Variants in CSGALNACT1 observed in about 807,000 individuals in gnomAD.
The protein encoded by CSGALNACT1 is chondroitin sulfate N-acetylgalactosaminyltransferase 1, also known as beta4GalNAcT-1.
Under a neutral mutation model 51.0 loss-of-function variants are expected in CSGALNACT1, and 52 were observed. The ratio of observed to expected loss-of-function variants is 1.02; its 90% CI spans 0.82 to 1.29. CSGALNACT1 has a LOEUF of 1.29. CSGALNACT1 is among the 50% of genes most tolerant of loss of function. The probability of loss-of-function intolerance (pLI) is 0.00; values close to 1 mark genes in which losing one functional copy is unlikely to be tolerated. For synonymous variants in CSGALNACT1, 341 were observed against 254.4 expected, an observed-to-expected ratio of 1.34 and a Z score of -3.24; for missense variants, 935 against 679.2, an observed-to-expected ratio of 1.38 and a Z score of -4.19.
intron 5 of CSGALNACT1, 32 bp downstream of exon 4, chr8:19,458,394 G>A (rs552313096): frequency 4.1e-5 from 63 of 1,520,678 alleles, no homozygotes; most frequent in South Asian, 1.9e-4. Context: ...CACATCATGC[G>A]GAGGAAGATA....
intron 4 of CSGALNACT1, among the ~76,000 whole-genome samples, chr8:19,485,240 T>C (rs1318506874): frequency 6.6e-6 from 1 of 152,154 alleles, no homozygotes; most frequent in Non-Finnish European, 1.5e-5. Context: ...CAACACACTC[T>C]TGTGTGTTCG....
intron 5 of CSGALNACT1, among the ~76,000 whole-genome samples, chr8:19,446,532 C>G (rs1306738027): frequency 6.6e-6 from 1 of 152,132 alleles, no homozygotes; most frequent in East Asian, 1.9e-4. Flanking sequence ...TTCACTCATT[C>G]AGTTACTGAG....
chr8:19,652,844 C>A (rs771230487), intron 1 of CSGALNACT1, among the ~76,000 whole-genome samples: 24 of 152,178 alleles, frequency 1.6e-4, no homozygotes, highest in Non-Finnish European at 3.1e-4. Context: ...ACTGACTTTC[C>A]TCCAAACTCC....
At chr8:19,466,530 T>G (rs922406627) in intron 4 of CSGALNACT1, among the ~76,000 whole-genome samples, 3 of 152,260 alleles carry the variant, frequency 2.0e-5, no homozygotes, top group Non-Finnish European at 4.4e-5. Context: ...TATACTATTT[T>G]GTTGTCTCAC....
intron 3 of CSGALNACT1, among the ~76,000 whole-genome samples, chr8:19,515,440 A>G (rs148974749): frequency 5.3e-4 from 80 of 152,326 alleles, no homozygotes; most frequent in African/African-American, 1.9e-3. Flanking sequence ...ATGACTTCAC[A>G]GTCAGGAATT....
chr8:19,696,919 C>T (rs1385218162), intron 1 of CSGALNACT1, among the ~76,000 whole-genome samples: 1 of 152,096 alleles, frequency 6.6e-6, no homozygotes, highest in Non-Finnish European at 1.5e-5. Context: ...ACAGTGCATG[C>T]CAATGAATAC....
chr8:19,742,210 T>C (rs2064359456), intron 1 of CSGALNACT1, among the ~76,000 whole-genome samples: 2 of 151,922 alleles, frequency 1.3e-5, no homozygotes, highest in East Asian at 3.9e-4. Flanking sequence ...ACAAAACAAC[T>C]GAGGCTCAAA....
intron 5 of CSGALNACT1, among the ~76,000 whole-genome samples, chr8:19,445,885 G>C (rs2062027714): frequency 1.3e-5 from 2 of 152,130 alleles, no homozygotes; most frequent in South Asian, 2.1e-4. Context: ...AGTTTAAAAA[G>C]TAAAGTAAGC....
chr8:19,420,585 T>C (rs746549417), intron 6 of CSGALNACT1, 67 bp from the exon 6 acceptor site: 87 of 1,506,268 alleles, frequency 5.8e-5, no homozygotes, highest in Non-Finnish European at 7.5e-5. Flanking sequence ...TGAGAAAATA[T>C]GTAATCAGGG....
intron 1 of CSGALNACT1, among the ~76,000 whole-genome samples, chr8:19,665,763 AT>A (rs1262802938): frequency 1.3e-5 from 2 of 152,186 alleles, no homozygotes; most frequent in Admixed American, 6.5e-5. Flanking sequence ...CTCTTAATTC[AT>A]AATAGAAGGG....
intron 3 of CSGALNACT1, among the ~76,000 whole-genome samples, chr8:19,558,244 T>C (rs2039914594): frequency 6.6e-6 from 1 of 152,238 alleles, no homozygotes; most frequent in African/African-American, 2.4e-5. Flanking sequence ...GGCACACTTT[T>C]ACATTCACTT....
At chr8:19,729,696 G>A (rs2154244628) in intron 1 of CSGALNACT1, among the ~76,000 whole-genome samples, 1 of 152,288 alleles carries the variant, frequency 6.6e-6, no homozygotes, top group African/African-American at 2.4e-5. Context: ...ATCTGCCACA[G>A]AAGACATGGA....
intron 1 of CSGALNACT1, among the ~76,000 whole-genome samples, chr8:19,631,784 C>G (rs1009345502): frequency 6.6e-6 from 1 of 152,194 alleles, no homozygotes; most frequent in Non-Finnish European, 1.5e-5. Context: ...CTGGATTTGA[C>G]TGTGTTTTGC....
At chr8:19,658,072 A>C (rs942486672) in intron 1 of CSGALNACT1, among the ~76,000 whole-genome samples, 6 of 151,074 alleles carry the variant, frequency 4.0e-5, no homozygotes, top group African/African-American at 2.4e-5. Flanking sequence ...CAAAAAAAAA[A>C]AAAAAAAAAA....
chr8:19,470,850 C>T (rs1219866166), intron 4 of CSGALNACT1, among the ~76,000 whole-genome samples: 2 of 152,160 alleles, frequency 1.3e-5, no homozygotes, highest in Non-Finnish European at 2.9e-5. Flanking sequence ...AATCCCAACA[C>T]TTTCGGAGGC....
chr8:19,675,701 C>A (rs945394941), intron 1 of CSGALNACT1, among the ~76,000 whole-genome samples: 8 of 152,062 alleles, frequency 5.3e-5, no homozygotes, highest in African/African-American at 1.9e-4. Flanking sequence ...ACTGTGTTGG[C>A]CAGGCTGGTC....
At chr8:19,669,932 T>C (rs1288193658) in intron 1 of CSGALNACT1, among the ~76,000 whole-genome samples, 1 of 152,230 alleles carries the variant, frequency 6.6e-6, no homozygotes, top group Non-Finnish European at 1.5e-5. Context: ...CCTGCAGTCC[T>C]GTGGACAAAC....
Position 19,458,708 on chromosome 8 carries a change from C to G in CSGALNACT1, c.635-66G>C, listed in dbSNP as rs1247293803. On this transcript the variant is annotated intron_variant, in intron 4 of 9. Transcript: ENST00000454498. Reference sequence around the variant, plus strand: ...ACCTTGGCTGCTGAGTGTTTTTCAACCGAGATCTAGCACAGAATGCCTTTA... The same window carrying G: ...ACCTTGGCTGCTGAGTGTTTTTCAAGCGAGATCTAGCACAGAATGCCTTTA... 4.6e-5 allele frequency: 67 copies of G among 1,441,492 alleles called. No homozygotes were observed. In the East Asian group the frequency reaches 1.3e-3, roughly 27 times the overall value. The allele number at this position is 1,441,492 out of a possible 1,614,324, so 89.3% of individuals were successfully genotyped here.
At chr8:19,460,520 C>T (rs2065128680) in intron 4 of CSGALNACT1, among the ~76,000 whole-genome samples, 2 of 152,160 alleles carry the variant, frequency 1.3e-5, no homozygotes, top group African/African-American at 4.8e-5. Context: ...ACCATGGATT[C>T]TATTCATGTC....
Sources: gnomAD v4.1 joint callset for allele counts (sites outside exome capture counted in the v4.1 genomes callset) on GRCh38, gnomAD v4.1.1 for gene constraint, MANE v1.5 for transcripts, NCBI Gene and HGNC (gene_info 2026-07-23, HGNC 2026-07-21) for gene names.